GBF1: variants seen among roughly 807,000 people sequenced by gnomAD.
GBF1 encodes the protein golgi brefeldin A resistant guanine nucleotide exchange factor 1, also known as Golgi-specific brefeldin A-resistance guanine nucleotide exchange factor 1.
Under a neutral mutation model 210.5 loss-of-function variants are expected in GBF1, and 114 were observed. The ratio of observed to expected loss-of-function variants is 0.54; its 90% CI spans 0.47 to 0.63. The LOEUF is 0.63. GBF1 is among the 30% of genes least tolerant of loss of function. The pLI, the probability that GBF1 is intolerant of heterozygous loss-of-function variation, is 0.00. For synonymous variants in GBF1, 850 were observed against 889.2 expected (o/e 0.96, Z 0.78); for missense variants, 1,851 against 2,357.7 (o/e 0.79, Z 4.45).
At chr10:102,323,463 C>T (rs542648079) in intron 3 of GBF1, among the ~76,000 whole-genome samples, 1 of 152,070 alleles carries the variant, frequency 6.6e-6, no homozygotes, top group Admixed American at 6.5e-5. Flanking sequence ...GCCATAATGG[C>T]ATTTGTTCAT....
At chr10:102,264,121 A>C (rs952963282) in intron 3 of GBF1, among the ~76,000 whole-genome samples, 31 of 152,218 alleles carry the variant, frequency 2.0e-4, no homozygotes, top group African/African-American at 7.5e-4. Flanking sequence ...AAACCACTGA[A>C]TTGTATACTT....
intron 36 of GBF1, 88 bp from the exon 37 acceptor site, chr10:102,380,161 A>G (rs1227392028): frequency 3.6e-5 from 31 of 866,822 alleles, no homozygotes; most frequent in Middle Eastern, 2.3e-4. Context: ...TTCTCATGCA[A>G]GATAGGACAG....
At chr10:102,336,613 AC>A (rs1483926182) in intron 3 of GBF1, among the ~76,000 whole-genome samples, 2 of 152,164 alleles carry the variant, frequency 1.3e-5, no homozygotes, top group Non-Finnish European at 2.9e-5. Context: ...GACCCAGAAC[AC>A]TTAAGTAATT....
chr10:102,305,414 A>T (rs1321105531), intron 3 of GBF1, among the ~76,000 whole-genome samples: 1 of 152,114 alleles, frequency 6.6e-6, no homozygotes, highest in East Asian at 1.9e-4. Flanking sequence ...GCAGTTCAAG[A>T]CTAGCCTGGC....
chr10:102,261,607 CTT>C (rs1349287926), intron 3 of GBF1, among the ~76,000 whole-genome samples: 7 of 136,248 alleles, frequency 5.1e-5, no homozygotes, highest in African/African-American at 2.0e-4. Context: ...TATTTTCTTT[CTT>C]TCTTTCTTTT....
intron 3 of GBF1, among the ~76,000 whole-genome samples, chr10:102,260,427 T>G (rs1032248366): frequency 6.0e-5 from 9 of 151,030 alleles, no homozygotes; most frequent in African/African-American, 2.2e-4. Flanking sequence ...CTCAAAGTGT[T>G]GGGATTCCAG....
At position 102,344,147 on chromosome 10, in the gene GBF1, C is replaced by T; in HGVS notation, c.260C>T (p.Thr87Ile). ...TTGPITGLAL[T>I]SVNKFLSYAL... ...GGCCCTATCACTGGACTGGCACTCA[C>T]CTCTGTCAACAAGTTCCTGTCCTAT... Residue 87 changes from threonine to isoleucine, a missense_variant, in exon 4 of 40, where the codon ACC (threonine) becomes ATC (isoleucine). Coordinates refer to ENST00000369983, the MANE Select transcript of GBF1 (RefSeq NM_001377137.1). 1 of 1,613,728 alleles carries T rather than the reference C, an allele frequency of 6.2e-7. No homozygotes were observed. The highest frequency in any genetic ancestry group is 8.5e-7 in the Non-Finnish European group (1 of 1,179,560).
chr10:102,284,272 G>A (rs1218036754), intron 3 of GBF1, among the ~76,000 whole-genome samples: 1 of 152,144 alleles, frequency 6.6e-6, no homozygotes, highest in East Asian at 1.9e-4. Flanking sequence ...AAAAACTGAA[G>A]TGAAATGCAT....
At chr10:102,321,306 A>G (rs1042944438) in intron 3 of GBF1, among the ~76,000 whole-genome samples, 2 of 152,178 alleles carry the variant, frequency 1.3e-5, no homozygotes, top group Non-Finnish European at 2.9e-5. Flanking sequence ...TAGCCTGGTG[A>G]CTGGCACAAA....
At chr10:102,255,128 C>T (rs995893564) in intron 1 of GBF1, among the ~76,000 whole-genome samples, 3 of 152,056 alleles carry the variant, frequency 2.0e-5, no homozygotes, top group African/African-American at 7.2e-5. Flanking sequence ...GTAACCTCCA[C>T]CTCCTGGGTT....
In GBF1 at chr10:102,266,378, T is replaced by G. The variant is rs573476526; in HGVS notation, c.163+6262T>G. Among the ~76,000 whole-genome samples the G allele has an allele frequency of 2.0e-5, 3 of 152,330 alleles. No individual in the cohort carries two copies. In the South Asian group the frequency reaches 6.2e-4, roughly 32 times the overall value. ...TCAGGGCCTAGCTTATTGAGTTGCT[T>G]CTAACTGATATTTATTGACTATCTG... On this transcript the variant is annotated intron_variant, in intron 3 of 39. Transcript: ENST00000369983.
chr10:102,274,852 C>T (rs1213460323), intron 3 of GBF1, among the ~76,000 whole-genome samples: 2 of 151,524 alleles, frequency 1.3e-5, no homozygotes, highest in Non-Finnish European at 2.9e-5. Flanking sequence ...GCTAGGATTA[C>T]AGGCACCCAC....
In GBF1 at chr10:102,361,116, T is replaced by G; in HGVS notation, c.1487T>G (p.Met496Arg). The G allele has an allele frequency of 1.3e-6, 2 of 1,534,286 alleles. No individual in the cohort carries two copies. The highest frequency in any genetic ancestry group is 1.1e-5 in the South Asian group (1 of 89,568). ...ESMREHLKFQ[M>R]EMYIKKLMEI... ...ATGCGAGAGCACCTCAAGTTCCAAATGGAGGTGAGTTTCTTGATGTGGAAA... is the reference window on the plus strand; with the variant it reads ...ATGCGAGAGCACCTCAAGTTCCAAAGGGAGGTGAGTTTCTTGATGTGGAAA... The change falls in exon 13 of 40, where the codon ATG becomes AGG. Residue 496 changes from methionine (M) to arginine (R), a missense_variant. Met to Arg is a moderately conservative substitution (Grantham distance 91). Around this residue, in one of 3 missense-constraint regions of GBF1, gnomAD observed 804 missense variants for 958.6 expected, o/e 0.84. Coordinates refer to ENST00000369983, the MANE Select transcript of GBF1 (RefSeq NM_001377137.1).
chr10:102,279,038 G>T (rs2075255608), intron 3 of GBF1, among the ~76,000 whole-genome samples: 1 of 152,086 alleles, frequency 6.6e-6, no homozygotes, highest in African/African-American at 2.4e-5. Flanking sequence ...ACCAATTTCT[G>T]GTTGCAGTTA....
intron 3 of GBF1, among the ~76,000 whole-genome samples, chr10:102,302,894 G>GC: frequency 6.6e-6 from 1 of 152,046 alleles, no homozygotes; most frequent in Non-Finnish European, 1.5e-5. Context: ...TGTCGTTAGT[G>GC]CCAAGGTTGA....
chr10:102,293,762 A>ATTTTTTT (rs1565071251), intron 3 of GBF1, among the ~76,000 whole-genome samples: 15 of 44,578 alleles, frequency 3.4e-4, no homozygotes, highest in Non-Finnish European at 4.6e-4. Flanking sequence ...CAGCTGTAGT[A>ATTTTTTT]TGTTTTGTGT....
intron 3 of GBF1, among the ~76,000 whole-genome samples, chr10:102,338,171 T>A (rs1181990772): frequency 1.3e-5 from 2 of 152,034 alleles, no homozygotes; most frequent in African/African-American, 4.8e-5. Flanking sequence ...TATAAAGCAC[T>A]GACTTACCAA....
In GBF1 at chr10:102,362,494, G is replaced by T. The variant is rs776611554; in HGVS notation, c.1706G>T (p.Gly569Val). The T allele has an allele frequency of 6.2e-7, 1 of 1,612,500 alleles. No individual in the cohort carries two copies. Among genetic ancestry groups the T allele is most frequent in the Non-Finnish European group, 8.5e-7 (1 of 1,178,714 alleles). ...LLSKNAFPVS[G>V]QLYTTHLLSL... ...TTCCAGAATGCCTTCCCTGTGTCTG[G>T]TCAACTCTATACAACACACCTACTA... Residue 569 changes from glycine (G) to valine (V), a missense_variant, in exon 15 of 40, where the codon GGT (glycine) becomes GTT (valine). By Grantham distance (109) the Gly-to-Val change is moderately radical. Coordinates refer to ENST00000369983, the MANE Select transcript of GBF1 (RefSeq NM_001377137.1).
intron 3 of GBF1, among the ~76,000 whole-genome samples, chr10:102,288,535 C>T (rs984599516): frequency 2.0e-5 from 3 of 150,940 alleles, no homozygotes; most frequent in Admixed American, 2.0e-4. Flanking sequence ...CAAGGTGAAA[C>T]CCCGTCTCTA....
Sources: gnomAD v4.1 joint callset for allele counts (sites outside exome capture counted in the v4.1 genomes callset) on GRCh38, gnomAD v4.1.1 for gene constraint, gnomAD v4.1.1 regional missense constraint, MANE v1.5 for transcripts, NCBI Gene and HGNC (gene_info 2026-07-23, HGNC 2026-07-21) for gene names.